Variants in CDC40 observed in about 807,000 individuals in gnomAD.
CDC40 encodes the protein pre-mRNA-processing factor 17.
In CDC40, 27 loss-of-function variants were observed where a neutral mutation model predicts 80.6. The ratio of observed to expected loss-of-function variants is 0.33; its 90% CI spans 0.25 to 0.46. CDC40 has a LOEUF of 0.46. Ranked by LOEUF, CDC40 falls within the 20% of genes least tolerant of loss-of-function variation. The probability of loss-of-function intolerance (pLI) is 1.00; values close to 1 mark genes in which losing one functional copy is unlikely to be tolerated. For synonymous variants in CDC40, 221 were observed against 232.6 expected (o/e 0.95, Z 0.45); for missense variants, 486 against 694.1 (o/e 0.70, Z 3.37).
intron 12 of CDC40, among the ~76,000 whole-genome samples, chr6:110,225,532 A>G (rs1405781903): frequency 6.6e-6 from 1 of 151,412 alleles, no homozygotes; most frequent in Non-Finnish European, 1.5e-5. Flanking sequence ...TAGTCCAGGT[A>G]CCAAGCATTT....
chr6:110,225,444 CAT>C (rs1008047614), intron 12 of CDC40, among the ~76,000 whole-genome samples: 3 of 149,546 alleles, frequency 2.0e-5, no homozygotes, highest in Non-Finnish European at 4.4e-5. Flanking sequence ...TCATCACTCA[CAT>C]GAGGTTTTTT....
At chr6:110,202,011 A>G (rs557798340) in intron 3 of CDC40, among the ~76,000 whole-genome samples, 2 of 152,316 alleles carry the variant, frequency 1.3e-5, no homozygotes, top group Admixed American at 1.3e-4. Context: ...AAGTTGGCAA[A>G]TGAAAAGATA....
intron 2 of CDC40, among the ~76,000 whole-genome samples, chr6:110,195,966 G>A (rs553201968): frequency 6.6e-6 from 1 of 152,156 alleles, no homozygotes; most frequent in Non-Finnish European, 1.5e-5. Flanking sequence ...GGTTTATTTG[G>A]TATGCGTTTG....
chr6:110,204,830 T>G (rs1037064477), intron 3 of CDC40, among the ~76,000 whole-genome samples: 2 of 151,828 alleles, frequency 1.3e-5, no homozygotes, highest in African/African-American at 4.8e-5. Flanking sequence ...TAGCTAATGT[T>G]TTTTTTTGTA....
At chr6:110,220,862 G>A (rs1777767121) in intron 12 of CDC40, among the ~76,000 whole-genome samples, 1 of 152,078 alleles carries the variant, frequency 6.6e-6, no homozygotes, top group African/African-American at 2.4e-5. Context: ...GAACAGTATG[G>A]TAGAAACTGT....
At chr6:110,222,272 T>C (rs1343905120) in intron 12 of CDC40, among the ~76,000 whole-genome samples, 1 of 150,566 alleles carries the variant, frequency 6.6e-6, no homozygotes, top group Non-Finnish European at 1.5e-5. Context: ...GAATTAAAAA[T>C]TAAAAGCTGG....
At chr6:110,181,916 T>C (rs894525373) in intron 1 of CDC40, among the ~76,000 whole-genome samples, 4 of 152,212 alleles carry the variant, frequency 2.6e-5, no homozygotes, top group African/African-American at 9.6e-5. Flanking sequence ...TACTCAGCAT[T>C]CTGTTCCAAT....
chr6:110,204,546 C>T (rs1002826812), intron 3 of CDC40, among the ~76,000 whole-genome samples: 10 of 151,768 alleles, frequency 6.6e-5, no homozygotes, highest in African/African-American at 1.2e-4. Flanking sequence ...AGTTCCCAAA[C>T]GTAGGTAAAA....
At chr6:110,221,865 C>CTTTTTTTTTT (rs200106149) in intron 12 of CDC40, among the ~76,000 whole-genome samples, 2 of 121,264 alleles carry the variant, frequency 1.6e-5, no homozygotes, top group African/African-American at 2.9e-5. Context: ...TAGTATGTTT[C>CTTTTTTTTTT]TTTTTTTTTT....
Position 110,230,215 on chromosome 6 carries a change from C to T in CDC40, c.*84C>T. The T allele has an allele frequency of 1.2e-6, 1 of 803,890 alleles. No individual in the cohort carries two copies. The highest frequency in any genetic ancestry group is 2.0e-6 in the Non-Finnish European group (1 of 504,654). The allele number at this position is 803,890 out of a possible 1,614,324, so 49.8% of individuals were successfully genotyped here. On this transcript the variant is annotated 3_prime_UTR_variant, in exon 15 of 15. Coordinates refer to ENST00000307731, the MANE Select transcript of CDC40 (RefSeq NM_015891.3). Reference sequence around the variant, plus strand: ...AATTATTAAATGTATCTGATGATAACTTGATTTACAGATAATGTTGATGAC... The same window carrying T: ...AATTATTAAATGTATCTGATGATAATTTGATTTACAGATAATGTTGATGAC...
intron 14 of CDC40, 50 bp from the exon 15 acceptor site, chr6:110,229,904 C>G: frequency 2.3e-6 from 3 of 1,283,700 alleles, no homozygotes; most frequent in African/African-American, 3.0e-5. Context: ...ATTCGCCTTA[C>G]CAATTTAAGG....
chr6:110,182,287 ATCCTTTTATTTCCAG>A (rs1562197552), intron 1 of CDC40, among the ~76,000 whole-genome samples: 1 of 152,212 alleles, frequency 6.6e-6, no homozygotes, highest in Non-Finnish European at 1.5e-5. Context: ...AATGCTTGCT[ATCCTTTTATTTCCAG>A]TTCTATCCTC....
chr6:110,181,622 C>G (rs1400141242), intron 1 of CDC40, among the ~76,000 whole-genome samples: 1 of 152,198 alleles, frequency 6.6e-6, no homozygotes, highest in East Asian at 1.9e-4. Context: ...TCCTAACTTC[C>G]TATCAAAACA....
At position 110,215,268 on chromosome 6, in the gene CDC40, G is replaced by T. The variant is rs192167211; in HGVS notation, c.943-18G>T. 3.3e-3 allele frequency: 5,263 copies of T among 1,602,842 alleles called. 145 individuals carry two copies. The African/African-American group carries it at 0.058, about 18-fold the overall frequency. ...ATTAAATGTAATATTTCCATGTGTT[G>T]TTTTTTTTCTCCCCCAGCTATGGGA... is the stretch of plus-strand genomic sequence containing the variant. On this transcript the variant is annotated intron_variant, in intron 8 of 14. Coordinates refer to ENST00000307731, the MANE Select transcript of CDC40 (RefSeq NM_015891.3).
At chr6:110,198,073 T>C (rs1246516033) in intron 2 of CDC40, among the ~76,000 whole-genome samples, 1 of 152,206 alleles carries the variant, frequency 6.6e-6, no homozygotes, top group Non-Finnish European at 1.5e-5. Flanking sequence ...TTACCCTTTA[T>C]CGTTTTTATA....
At chr6:110,213,403 T>G (rs532571283) in intron 8 of CDC40, among the ~76,000 whole-genome samples, 380 of 151,532 alleles carry the variant, frequency 2.5e-3, no homozygotes, top group Non-Finnish European at 4.5e-3. Context: ...TTGTTTTTTT[T>G]TTTTGAGATG....
intron 1 of CDC40, among the ~76,000 whole-genome samples, chr6:110,192,515 G>A (rs1349901584): frequency 6.6e-6 from 1 of 152,196 alleles, no homozygotes; most frequent in African/African-American, 2.4e-5. Flanking sequence ...TATCCTGGGA[G>A]AAGAGATGTC....
chr6:110,196,353 T>C (rs1161015229), intron 2 of CDC40, among the ~76,000 whole-genome samples: 1 of 152,210 alleles, frequency 6.6e-6, no homozygotes, highest in Non-Finnish European at 1.5e-5. Context: ...CAAGGACTTT[T>C]CCCAAATTGT....
intron 9 of CDC40, among the ~76,000 whole-genome samples, chr6:110,215,666 A>G (rs1777690604): frequency 6.6e-6 from 1 of 152,198 alleles, no homozygotes; most frequent in Admixed American, 6.5e-5. Context: ...TGCCATTAAT[A>G]AAGAGTTTAG....
Sources: allele counts gnomAD v4.1 joint callset (sites outside exome capture counted in the v4.1 genomes callset), GRCh38; gene constraint gnomAD v4.1.1; transcripts MANE v1.5; gene names NCBI Gene and HGNC (gene_info 2026-07-23, HGNC 2026-07-21).